The following CDH12 variants were observed in gnomAD, a reference collection of about 807,000 sequenced individuals.
CDH12 encodes the protein cadherin 12.
A neutral mutation model predicts 74.1 loss-of-function variants in CDH12; 41 were observed. The observed-to-expected ratio is 0.55, with a 90% confidence interval of 0.43 to 0.72. The LOEUF (loss-of-function observed/expected upper bound fraction) is 0.72, where lower values mean the gene tolerates loss of function less well. Ranked by LOEUF, CDH12 falls within the 30% of genes least tolerant of loss-of-function variation. CDH12 has a pLI of 0.00. For synonymous variants in CDH12, 399 were observed against 355.0 expected, an observed-to-expected ratio of 1.12 and a Z score of -1.39; for missense variants, 945 against 977.2, an observed-to-expected ratio of 0.97 and a Z score of 0.44.
intron 1 of CDH12, among the ~76,000 whole-genome samples, chr5:22,748,567 G>C (rs909135603): frequency 1.3e-5 from 2 of 152,070 alleles, no homozygotes; most frequent in African/African-American, 4.8e-5. Context: ...CTTAATGAAA[G>C]ACTTAGGCTA....
chr5:22,029,836 C>G (rs1476276120), intron 5 of CDH12, among the ~76,000 whole-genome samples: 1 of 151,790 alleles, frequency 6.6e-6, no homozygotes, highest in Non-Finnish European at 1.5e-5. Context: ...CGGCACTATT[C>G]ACAATAGCAA....
chr5:22,328,039 A>G (rs192975836), intron 3 of CDH12, among the ~76,000 whole-genome samples: 58 of 152,274 alleles, frequency 3.8e-4, no homozygotes, highest in Non-Finnish European at 1.0e-4. Context: ...CTTAATTAAT[A>G]TTGTTTGGAA....
chr5:22,693,901 T>G (rs1456958443), intron 1 of CDH12, among the ~76,000 whole-genome samples: 1 of 152,052 alleles, frequency 6.6e-6, no homozygotes, highest in Non-Finnish European at 1.5e-5. Flanking sequence ...TTTTGAAATA[T>G]TTAGTTATTT....
chr5:22,329,349 A>T (rs2968264), intron 3 of CDH12, among the ~76,000 whole-genome samples: 150,044 of 152,320 alleles, frequency 0.99, 73,950 homozygotes, highest in East Asian at 1. Flanking sequence ...CAAGAAAGTA[A>T]AAAGCTACAA....
intron 6 of CDH12, among the ~76,000 whole-genome samples, chr5:21,970,280 T>G (rs1756779889): frequency 6.6e-6 from 1 of 152,182 alleles, no homozygotes; most frequent in South Asian, 2.1e-4. Flanking sequence ...AAACTCTGCT[T>G]TTAGGGCATA....
At chr5:22,807,382 CCGTA>C (rs1257549014) in intron 1 of CDH12, among the ~76,000 whole-genome samples, 12 of 152,110 alleles carry the variant, frequency 7.9e-5, no homozygotes, top group Non-Finnish European at 1.5e-4. Context: ...GACTATTAAT[CCGTA>C]TATCATACCC....
chr5:21,873,656 G>A (rs1306060934), intron 6 of CDH12, among the ~76,000 whole-genome samples: 1 of 152,148 alleles, frequency 6.6e-6, no homozygotes, highest in South Asian at 2.1e-4. Flanking sequence ...AAGTTCTGGA[G>A]GACATGTGCA....
intron 1 of CDH12, among the ~76,000 whole-genome samples, chr5:22,566,863 G>A (rs77550878): frequency 0.02 from 3,100 of 152,162 alleles, 106 homozygotes; most frequent in African/African-American, 0.072. Context: ...TACTTGACAA[G>A]TGACATTCAA....
intron 1 of CDH12, among the ~76,000 whole-genome samples, chr5:22,545,774 C>A (rs1456315174): frequency 1.3e-5 from 2 of 151,996 alleles, no homozygotes; most frequent in Non-Finnish European, 2.9e-5. Flanking sequence ...TTATTTGACA[C>A]CTTTGAATTA....
chr5:21,834,776 T>A (rs1199581033), intron 8 of CDH12, among the ~76,000 whole-genome samples: 1 of 152,118 alleles, frequency 6.6e-6, no homozygotes, highest in South Asian at 2.1e-4. Context: ...ATATGTTAGA[T>A]AATTATACAT....
At chr5:22,724,205 A>AT (rs1183644841) in intron 1 of CDH12, among the ~76,000 whole-genome samples, 1 of 151,432 alleles carries the variant, frequency 6.6e-6, no homozygotes, top group Non-Finnish European at 1.5e-5. Flanking sequence ...ATGTCATTAA[A>AT]TTTTTTTAAA....
intron 6 of CDH12, among the ~76,000 whole-genome samples, chr5:21,930,216 C>G (rs1754770560): frequency 6.6e-6 from 1 of 152,102 alleles, no homozygotes; most frequent in South Asian, 2.1e-4. Flanking sequence ...GAAAGAGGGT[C>G]TTGAAAAAGA....
chr5:22,561,433 A>G (rs1739039586), intron 1 of CDH12, among the ~76,000 whole-genome samples: 1 of 152,162 alleles, frequency 6.6e-6, no homozygotes, highest in Non-Finnish European at 1.5e-5. Context: ...AATAATTATA[A>G]TTGCATATAA....
intron 1 of CDH12, among the ~76,000 whole-genome samples, chr5:22,527,473 C>A (rs1284497538): frequency 6.6e-6 from 1 of 152,102 alleles, no homozygotes; most frequent in Non-Finnish European, 1.5e-5. Flanking sequence ...ATGACCTAAC[C>A]AGTGCCATAG....
intron 1 of CDH12, 101 bp downstream of exon 1, chr5:22,852,957 C>G (rs1024317823): frequency 6.6e-6 from 1 of 152,232 alleles, no homozygotes. Context: ...CTTCTCACTA[C>G]GCTAGGCATC....
At chr5:22,305,854 T>C (rs1738084449) in intron 3 of CDH12, among the ~76,000 whole-genome samples, 1 of 152,214 alleles carries the variant, frequency 6.6e-6, no homozygotes, top group African/African-American at 2.4e-5. Context: ...ACCTTGATCC[T>C]GGCTGTCCTT....
At chr5:22,355,224 T>A (rs1242838210) in intron 3 of CDH12, among the ~76,000 whole-genome samples, 1 of 152,120 alleles carries the variant, frequency 6.6e-6, no homozygotes, top group Non-Finnish European at 1.5e-5. Flanking sequence ...GTGGGTGATA[T>A]CTTCCTTTTC....
chr5:21,941,384 T>A (rs1213942766), intron 6 of CDH12, among the ~76,000 whole-genome samples: 1 of 152,204 alleles, frequency 6.6e-6, no homozygotes, highest in Non-Finnish European at 1.5e-5. Context: ...GATGAGTCAT[T>A]TAATAGCATG....
intron 1 of CDH12, among the ~76,000 whole-genome samples, chr5:22,516,297 A>T (rs1736803527): frequency 6.6e-6 from 1 of 152,186 alleles, no homozygotes; most frequent in African/African-American, 2.4e-5. Context: ...TACAGATTTT[A>T]AAAATGGAAT....
Sources: gnomAD v4.1 joint callset for allele counts (sites outside exome capture counted in the v4.1 genomes callset) on GRCh38, gnomAD v4.1.1 for gene constraint, MANE v1.5 for transcripts, NCBI Gene and HGNC (gene_info 2026-07-23, HGNC 2026-07-21) for gene names.